Variants in DLG2 observed in about 807,000 individuals in gnomAD.
The protein encoded by DLG2 is discs large MAGUK scaffold protein 2, also known as disks large homolog 2.
A neutral mutation model predicts 132.5 loss-of-function variants in DLG2; 45 were observed. That is an observed-to-expected ratio of 0.34 (90% CI 0.27 to 0.44). The LOEUF (loss-of-function observed/expected upper bound fraction) is 0.44, where lower values mean the gene tolerates loss of function less well. Among genes scored for constraint, DLG2 ranks in the 20% least tolerant of loss-of-function variants. The probability of loss-of-function intolerance (pLI) is 1.00; values close to 1 mark genes in which losing one functional copy is unlikely to be tolerated. For synonymous variants in DLG2, 424 were observed against 419.6 expected (o/e 1.01, Z -0.13); for missense variants, 1,045 against 1,196.9 (o/e 0.87, Z 1.87).
intron 19 of DLG2, among the ~76,000 whole-genome samples, chr11:83,612,416 T>C (rs1250767095): frequency 1.3e-5 from 2 of 152,216 alleles, no homozygotes; most frequent in South Asian, 4.1e-4. Context: ...ATCTGATAAA[T>C]AGTAGGCATA....
intron 6 of DLG2, among the ~76,000 whole-genome samples, chr11:84,734,245 T>G (rs1044432700): frequency 5.3e-5 from 8 of 152,172 alleles, no homozygotes; most frequent in Non-Finnish European, 1.2e-4. Flanking sequence ...GCCGTTTTCA[T>G]GATATTGATT....
intron 11 of DLG2, among the ~76,000 whole-genome samples, chr11:83,996,672 G>A (rs750924117): frequency 6.6e-6 from 1 of 152,158 alleles, no homozygotes; most frequent in Admixed American, 6.5e-5. Flanking sequence ...GCAACAATAT[G>A]GGTGGAACTG....
intron 6 of DLG2, among the ~76,000 whole-genome samples, chr11:84,924,570 A>T (rs1781148947): frequency 1.3e-5 from 2 of 152,264 alleles, no homozygotes; most frequent in Admixed American, 1.3e-4. Flanking sequence ...AAGGTATTTC[A>T]GGGAGAGAAA....
intron 8 of DLG2, among the ~76,000 whole-genome samples, chr11:84,165,230 C>A (rs2095634691): frequency 6.6e-6 from 1 of 152,008 alleles, no homozygotes; most frequent in Non-Finnish European, 1.5e-5. Flanking sequence ...GAGAAAAAAA[C>A]AACTTCCAAG....
chr11:84,092,434 C>T (rs999632186), intron 10 of DLG2, among the ~76,000 whole-genome samples: 2 of 152,156 alleles, frequency 1.3e-5, no homozygotes, highest in African/African-American at 4.8e-5. Context: ...AGTGAGGAAA[C>T]TGAAGAACAT....
In DLG2 at chr11:85,052,130, A is replaced by G. The variant is rs548980108; in HGVS notation, c.357+59531T>C. Among the ~76,000 whole-genome samples the G allele has an allele frequency of 3.9e-5, 6 of 152,328 alleles. No individual in the cohort carries two copies. The East Asian group carries it at 1.2e-3, about 29-fold the overall frequency. Reference sequence around the variant, plus strand: ...CCAAGAATGAAAATCAATATGCAAGAAAAGTGAAGAGAATGTTCTCTAATG... The same window carrying G: ...CCAAGAATGAAAATCAATATGCAAGGAAAGTGAAGAGAATGTTCTCTAATG... On this transcript the variant is annotated intron_variant, in intron 6 of 27. Coordinates refer to ENST00000376104, the MANE Select transcript of DLG2 (RefSeq NM_001142699.3).
intron 7 of DLG2, among the ~76,000 whole-genome samples, chr11:84,308,735 G>A (rs1197782585): frequency 6.6e-6 from 1 of 152,162 alleles, no homozygotes; most frequent in African/African-American, 2.4e-5. Flanking sequence ...CGGTGGGCCG[G>A]CACTGCTGGG....
At chr11:85,145,571 C>T (rs1038370401) in intron 5 of DLG2, among the ~76,000 whole-genome samples, 1 of 151,976 alleles carries the variant, frequency 6.6e-6, no homozygotes, top group African/African-American at 2.4e-5. Flanking sequence ...TCTTCAATCT[C>T]ACCAACTTTT....
At chr11:83,584,058 G>A (rs2097033761) in intron 19 of DLG2, among the ~76,000 whole-genome samples, 1 of 152,106 alleles carries the variant, frequency 6.6e-6, no homozygotes, top group African/African-American at 2.4e-5. Context: ...TAATTTTGTG[G>A]AACACTTGTA....
chr11:85,533,298 A>G (rs2075343492), intron 3 of DLG2, among the ~76,000 whole-genome samples: 1 of 152,078 alleles, frequency 6.6e-6, no homozygotes, highest in Admixed American at 6.6e-5. Flanking sequence ...TGCTGGGATT[A>G]CAGGCATGAG....
At chr11:83,779,209 A>T (rs1012424792) in intron 18 of DLG2, among the ~76,000 whole-genome samples, 1 of 152,130 alleles carries the variant, frequency 6.6e-6, no homozygotes, top group Admixed American at 6.5e-5. Context: ...AAATGAATGG[A>T]TAAGCAGCTG....
chr11:83,787,979 T>C (rs1201004222), intron 17 of DLG2, among the ~76,000 whole-genome samples: 1 of 151,986 alleles, frequency 6.6e-6, no homozygotes, highest in Non-Finnish European at 1.5e-5. Flanking sequence ...CCTCAAGAAG[T>C]TTTTCTGATG....
At chr11:85,069,856 A>T (rs1331072985) in intron 6 of DLG2, among the ~76,000 whole-genome samples, 1 of 152,164 alleles carries the variant, frequency 6.6e-6, no homozygotes, top group Non-Finnish European at 1.5e-5. Flanking sequence ...GTGCACACGT[A>T]TGTTTATTGT....
At chr11:85,317,033 T>C (rs529921680) in intron 3 of DLG2, among the ~76,000 whole-genome samples, 21 of 152,094 alleles carry the variant, frequency 1.4e-4, no homozygotes, top group Admixed American at 6.6e-4. Context: ...TTCCCAGTTT[T>C]GATCCAAAGT....
chr11:84,229,624 A>G (rs765001504), intron 8 of DLG2, among the ~76,000 whole-genome samples: 3 of 152,172 alleles, frequency 2.0e-5, no homozygotes, highest in Non-Finnish European at 4.4e-5. Context: ...CATTTTTACA[A>G]GCTCCCAAGT....
intron 6 of DLG2, among the ~76,000 whole-genome samples, chr11:84,582,910 G>T (rs373055095): frequency 6.6e-6 from 1 of 152,188 alleles, no homozygotes; most frequent in African/African-American, 2.4e-5. Flanking sequence ...TCAGCTAAGG[G>T]TCAGGTGTCT....
chr11:84,388,864 CT>C (rs2098781783), intron 7 of DLG2, among the ~76,000 whole-genome samples: 1 of 151,956 alleles, frequency 6.6e-6, no homozygotes, highest in South Asian at 2.1e-4. Context: ...ATTTGTATTC[CT>C]TTGTTCACTG....
intron 3 of DLG2, among the ~76,000 whole-genome samples, chr11:85,475,036 T>A (rs1370965846): frequency 1.3e-5 from 2 of 151,334 alleles, no homozygotes; most frequent in Non-Finnish European, 3.0e-5. Context: ...TACAAAAATT[T>A]TAAAGACTAA....
At chr11:83,698,767 G>A (rs756540765) in intron 18 of DLG2, among the ~76,000 whole-genome samples, 1 of 152,086 alleles carries the variant, frequency 6.6e-6, no homozygotes, top group African/African-American at 2.4e-5. Context: ...CTCATCCTAC[G>A]TTATCTCTTC....
Sources: gnomAD v4.1 joint callset for allele counts (sites outside exome capture counted in the v4.1 genomes callset) on GRCh38, gnomAD v4.1.1 for gene constraint, MANE v1.5 for transcripts, NCBI Gene and HGNC (gene_info 2026-07-23, HGNC 2026-07-21) for gene names.